The following GNAS-AS1 variants were observed in gnomAD, a reference collection of about 807,000 sequenced individuals.
GNAS-AS1 encodes GNAS antisense RNA 1 (non-protein coding).
chr20:58,841,889 A>G lies in GNAS-AS1; in HGVS notation n.819+48T>C. The G allele has an allele frequency of 2.4e-6, 3 of 1,231,450 alleles. No individual in the cohort carries two copies. The East Asian group carries it at 9.5e-5, about 39-fold the overall frequency. The allele number at this position is 1,231,450 out of a possible 1,614,324, so 76.3% of individuals were successfully genotyped here. On this transcript the variant is annotated intron_variant and non_coding_transcript_variant, in intron 4 of 4. Coordinates refer to ENST00000424094, the Ensembl canonical transcript of GNAS-AS1. This position sits in a 1 kb window ranked among gnomAD's most constrained non-coding sequence, Gnocchi z 5.0. ...GCAAGTGGAAAGGTAAAGCGGAACA[A>G]GGGACAGGCTGGAGACGGGGGTCGC... is the stretch of plus-strand genomic sequence containing the variant.
intron 4 of GNAS-AS1, among the ~76,000 whole-genome samples, chr20:58,823,039 T>A (rs531875365): frequency 1.4e-3 from 211 of 152,100 alleles, no homozygotes; most frequent in African/African-American, 4.9e-3. Context: ...CCCTGCTCCC[T>A]CTTCACGGGC....
intron 2 of GNAS-AS1, among the ~76,000 whole-genome samples, chr20:58,844,939 C>G (rs780061477): frequency 6.6e-6 from 1 of 152,210 alleles, no homozygotes; most frequent in Non-Finnish European, 1.5e-5. Flanking sequence ...AAAATGGTCT[C>G]AAAAGGCAGT....
intron 2 of GNAS-AS1, chr20:58,848,805 C>T (rs1433158482): frequency 5.0e-6 from 2 of 398,194 alleles, no homozygotes; most frequent in South Asian, 2.6e-4. Context: ...GGTGGGTCAA[C>T]TCCTCGAACA....
intron 2 of GNAS-AS1, chr20:58,843,287 A>G (rs1475845729): frequency 6.7e-6 from 1 of 149,948 alleles, no homozygotes; most frequent in Non-Finnish European, 1.5e-5. Flanking sequence ...AGTGCAGACC[A>G]TATGAAGCAA....
At chr20:58,821,714 A>C (rs1235434201) in intron 4 of GNAS-AS1, among the ~76,000 whole-genome samples, 2 of 152,262 alleles carry the variant, frequency 1.3e-5, no homozygotes, top group South Asian at 2.1e-4. Flanking sequence ...CTTCATGTAC[A>C]TGGCTCTGAA....
At chr20:58,822,523 G>A (rs1037946015) in intron 4 of GNAS-AS1, among the ~76,000 whole-genome samples, 2 of 152,204 alleles carry the variant, frequency 1.3e-5, no homozygotes, top group Admixed American at 6.5e-5. Context: ...ACACCTAAAC[G>A]TTGGCGGTCA....
At chr20:58,842,527 G>C in exon 3 of GNAS-AS1, 1 of 398,634 alleles carries the variant, frequency 2.5e-6, no homozygotes, top group Non-Finnish European at 4.4e-6. Context: ...ACTGTGGTTG[G>C]ATGCTTTTGT....
At chr20:58,820,732 A>G (rs1258334698) in intron 4 of GNAS-AS1, among the ~76,000 whole-genome samples, 1 of 152,264 alleles carries the variant, frequency 6.6e-6, no homozygotes, top group African/African-American at 2.4e-5. Flanking sequence ...GGATGGCAGC[A>G]GGCAAAGAGA....
intron 4 of GNAS-AS1, chr20:58,839,108 G>C: frequency 2.5e-6 from 1 of 398,318 alleles, no homozygotes. Flanking sequence ...CAGCTCAATC[G>C]AGCTCAGGGC....
At chr20:58,831,015 G>A (rs981503270) in intron 4 of GNAS-AS1, among the ~76,000 whole-genome samples, 9 of 152,214 alleles carry the variant, frequency 5.9e-5, no homozygotes, top group South Asian at 2.1e-4. Context: ...AGAGGACAAC[G>A]CAAGGCATAG....
chr20:58,827,182 T>C (rs1217131799), intron 4 of GNAS-AS1, among the ~76,000 whole-genome samples: 1 of 152,112 alleles, frequency 6.6e-6, no homozygotes, highest in Non-Finnish European at 1.5e-5. Context: ...AAGTTCAACT[T>C]TTCTTGACAG....
Position 58,840,137 on chromosome 20 carries a change from C to A in GNAS-AS1, n.819+1800G>T. 1.9e-6 allele frequency: 3 copies of A among 1,611,460 alleles called. No homozygotes were observed. The highest frequency in any genetic ancestry group is 1.3e-5 in the African/African-American group (1 of 75,026). On this transcript the variant is annotated intron_variant and non_coding_transcript_variant, in intron 4 of 4. Transcript: ENST00000424094. This position sits in a 1 kb window ranked among gnomAD's most constrained non-coding sequence, Gnocchi z 6.0. ...TCGGAGGTCCCGGGCTCAGCAGTGGCGCCGAGCTCGCCATAATTACAACGA... is the reference window on the plus strand; with the variant it reads ...TCGGAGGTCCCGGGCTCAGCAGTGGAGCCGAGCTCGCCATAATTACAACGA...
At chr20:58,835,983 C>T (rs895100749) in intron 4 of GNAS-AS1, among the ~76,000 whole-genome samples, 3 of 152,070 alleles carry the variant, frequency 2.0e-5, no homozygotes, top group African/African-American at 7.2e-5. Flanking sequence ...ATCTGTTTGC[C>T]CTGTCTTAAA....
intron 4 of GNAS-AS1, chr20:58,838,916 CAAAAAAAAAAAAAAAA>C: frequency 7.9e-6 from 2 of 253,174 alleles, no homozygotes; most frequent in South Asian, 6.5e-4. Flanking sequence ...GATTCTGTCT[CAAAAAAAAAAAAAAAA>C]AAAAAAAAAC....
chr20:58,823,252 T>C (rs1379154252), intron 4 of GNAS-AS1, among the ~76,000 whole-genome samples: 1 of 152,240 alleles, frequency 6.6e-6, no homozygotes, highest in South Asian at 2.1e-4. Context: ...TAAATACCAC[T>C]GCCTCATTCG....
intron 4 of GNAS-AS1, among the ~76,000 whole-genome samples, chr20:58,832,616 C>T (rs190419468): frequency 1.3e-5 from 2 of 152,236 alleles, no homozygotes; most frequent in Admixed American, 6.5e-5. Context: ...GGGAAAATGT[C>T]GCAATTTCAC....
At chr20:58,825,179 G>A (rs998889685) in intron 4 of GNAS-AS1, among the ~76,000 whole-genome samples, 2 of 152,214 alleles carry the variant, frequency 1.3e-5, no homozygotes, top group Non-Finnish European at 2.9e-5. Context: ...ATTTAGCCCC[G>A]TTGAAACTCA....
intron 4 of GNAS-AS1, among the ~76,000 whole-genome samples, chr20:58,838,343 C>T (rs1209765037): frequency 6.6e-6 from 1 of 152,162 alleles, no homozygotes; most frequent in African/African-American, 2.4e-5. Flanking sequence ...AATCTTCAGC[C>T]TTGCAGAGTA....
intron 4 of GNAS-AS1, among the ~76,000 whole-genome samples, chr20:58,823,737 A>G (rs567108005): frequency 5.3e-5 from 8 of 152,134 alleles, no homozygotes; most frequent in African/African-American, 1.4e-4. Context: ...GAAAATGTCC[A>G]CTCTGACTTG....
Sources: allele counts gnomAD v4.1 joint callset (sites outside exome capture counted in the v4.1 genomes callset), GRCh38; gene constraint gnomAD v4.1.1; non-coding constraint Gnocchi (gnomAD v3.1); transcripts MANE v1.5; gene names NCBI Gene and HGNC (gene_info 2026-07-23, HGNC 2026-07-21).